Variants in HSPBAP1 observed in about 807,000 individuals in gnomAD.
HSPBAP1 encodes HSPB1 associated protein 1.
A neutral mutation model predicts 45.2 loss-of-function variants in HSPBAP1; 27 were observed. The observed-to-expected ratio is 0.60, with a 90% confidence interval of 0.44 to 0.82. HSPBAP1 has a LOEUF of 0.82. HSPBAP1 is among the 40% of genes least tolerant of loss of function. HSPBAP1 has a pLI of 0.00. For synonymous variants in HSPBAP1, 204 were observed against 202.7 expected (o/e 1.01, Z -0.06); for missense variants, 510 against 590.9 (o/e 0.86, Z 1.42).
intron 6 of HSPBAP1, among the ~76,000 whole-genome samples, chr3:122,746,959 A>T (rs1395444608): frequency 6.6e-6 from 1 of 151,748 alleles, no homozygotes; most frequent in African/African-American, 2.4e-5. Context: ...TCAGTGCTCA[A>T]TGGTGCCCAG....
intron 5 of HSPBAP1, 160 bp from the exon 6 acceptor site, chr3:122,752,834 C>T: frequency 7.2e-7 from 1 of 1,386,258 alleles, no homozygotes; most frequent in South Asian, 1.8e-5. Flanking sequence ...CCCCGCAAAC[C>T]TTTTTTCCTT....
chr3:122,752,455 G>A lies in HSPBAP1; in HGVS notation c.825+136C>T, dbSNP rs925743444. ...CAGAAGACAGAATGCATACGTTATA[G>A]TGCACTGCAACAAAAAAATACTGAA... On this transcript the variant is annotated intron_variant, in intron 6 of 7. Transcript: ENST00000306103. The A allele has an allele frequency of 1.4e-5, 8 of 581,068 alleles. No individual in the cohort carries two copies. The South Asian group carries it at 1.9e-4, about 14-fold the overall frequency. The allele number at this position is 581,068 out of a possible 1,614,324, so 36.0% of individuals were successfully genotyped here.
chr3:122,785,393 A>G (rs1935619385), intron 1 of HSPBAP1, among the ~76,000 whole-genome samples: 2 of 152,182 alleles, frequency 1.3e-5, no homozygotes, highest in South Asian at 4.1e-4. Context: ...TTTAGCAAGA[A>G]TTGCCCCCAT....
intron 1 of HSPBAP1, among the ~76,000 whole-genome samples, chr3:122,791,937 C>CA (rs1174381481): frequency 6.6e-6 from 1 of 152,090 alleles, no homozygotes; most frequent in African/African-American, 2.4e-5. Context: ...GAATAGAAAA[C>CA]AGAGACACAA....
At chr3:122,746,659 G>A (rs1367047709) in intron 6 of HSPBAP1, among the ~76,000 whole-genome samples, 1 of 137,864 alleles carries the variant, frequency 7.3e-6, no homozygotes, top group African/African-American at 2.5e-5. Context: ...CTCTCCCCAC[G>A]GTCTCCCTCT....
In HSPBAP1 at chr3:122,793,816, A is replaced by C; in HGVS notation, c.-136T>G. 1.4e-6 allele frequency: 1 copy of C among 709,314 alleles called. No individual in the cohort carries two copies. Among genetic ancestry groups the C allele is most frequent in the African/African-American group, 1.8e-5 (1 of 56,250 alleles). The allele number at this position is 709,314 out of a possible 1,614,324, so 43.9% of individuals were successfully genotyped here. ...GGCGACTCCCGCCCGGCTCCTACGG[A>C]AACGCCGGCTCTCACGTGGAGGTCA... On this transcript the variant is annotated 5_prime_UTR_variant, in exon 1 of 8. Coordinates refer to ENST00000306103, the MANE Select transcript of HSPBAP1 (RefSeq NM_024610.6).
rs935942454 is a variant in HSPBAP1, at chr3:122,744,118, A to G, written c.826-3005T>C. On this transcript the variant is annotated intron_variant, in intron 6 of 7. Transcript: ENST00000306103. ...TACATATTCTTTTATATGTATAAATATAACAAAAGATATAACAAAGGAAAA... is the reference window on the plus strand; with the variant it reads ...TACATATTCTTTTATATGTATAAATGTAACAAAAGATATAACAAAGGAAAA... 9.2e-5 allele frequency among the ~76,000 whole-genome samples: 14 copies of G among 152,330 alleles called. No homozygotes were observed. In the East Asian group the frequency reaches 1.5e-3, roughly 17 times the overall value.
At chr3:122,768,540 T>G (rs1934868980) in intron 3 of HSPBAP1, among the ~76,000 whole-genome samples, 161 bp downstream of exon 3, 1 of 152,180 alleles carries the variant, frequency 6.6e-6, no homozygotes, top group Non-Finnish European at 1.5e-5. Flanking sequence ...ATGGTACACT[T>G]CTCTTCAGCA....
intron 2 of HSPBAP1, among the ~76,000 whole-genome samples, chr3:122,777,329 C>T (rs1935219542): frequency 6.6e-6 from 1 of 152,104 alleles, no homozygotes; most frequent in African/African-American, 2.4e-5. Context: ...ACACATTCTA[C>T]TTGAGTAAAA....
At chr3:122,779,661 G>A (rs1422763952) in intron 1 of HSPBAP1, among the ~76,000 whole-genome samples, 1 of 150,074 alleles carries the variant, frequency 6.7e-6, no homozygotes, top group African/African-American at 2.4e-5. Context: ...GCGGCCTTCC[G>A]CAGTGTTTGT....
intron 6 of HSPBAP1, among the ~76,000 whole-genome samples, chr3:122,742,385 A>G (rs1329716824): frequency 1.3e-5 from 2 of 152,066 alleles, no homozygotes; most frequent in Non-Finnish European, 2.9e-5. Context: ...ACACCAGGAT[A>G]GTGCTAATAA....
intron 6 of HSPBAP1, among the ~76,000 whole-genome samples, chr3:122,742,880 C>A (rs1933716175): frequency 6.6e-6 from 1 of 152,178 alleles, no homozygotes; most frequent in African/African-American, 2.4e-5. Context: ...ATCTCTTGTT[C>A]TCTATATAAA....
At chr3:122,775,527 G>A (rs146108586) in intron 2 of HSPBAP1, among the ~76,000 whole-genome samples, 4,922 of 152,094 alleles carry the variant, frequency 0.032, 111 homozygotes, top group Middle Eastern at 0.078. Flanking sequence ...TGTTGGCCAG[G>A]CTGGTCTCAA....
chr3:122,786,911 T>G (rs541972014), intron 1 of HSPBAP1, among the ~76,000 whole-genome samples: 2 of 152,356 alleles, frequency 1.3e-5, no homozygotes, highest in South Asian at 4.1e-4. Context: ...AATTAATGAA[T>G]TTAAATGTTA....
At chr3:122,774,918 G>A (rs1434536426) in intron 2 of HSPBAP1, among the ~76,000 whole-genome samples, 5 of 152,124 alleles carry the variant, frequency 3.3e-5, no homozygotes, top group Admixed American at 3.3e-4. Context: ...TCTCCTTCTA[G>A]GTATCAATCC....
intron 1 of HSPBAP1, among the ~76,000 whole-genome samples, chr3:122,780,193 C>T (rs1263729529): frequency 3.9e-5 from 4 of 102,926 alleles, no homozygotes; most frequent in African/African-American, 1.4e-4. Flanking sequence ...GGGCTGACCC[C>T]CCCACCTCCC....
intron 4 of HSPBAP1, among the ~76,000 whole-genome samples, chr3:122,756,520 T>G (rs1576245376): frequency 6.6e-6 from 1 of 151,826 alleles, no homozygotes; most frequent in East Asian, 1.9e-4. Context: ...TAGCAATACC[T>G]CATCCCCATA....
intron 1 of HSPBAP1, among the ~76,000 whole-genome samples, chr3:122,789,236 TAGATG>T (rs985248573): frequency 5.3e-4 from 80 of 152,326 alleles, no homozygotes; most frequent in African/African-American, 1.9e-3. Flanking sequence ...CATACAACTC[TAGATG>T]AGATATTTCC....
chr3:122,749,645 T>C (rs34694537), intron 6 of HSPBAP1, among the ~76,000 whole-genome samples: 13,455 of 152,268 alleles, frequency 0.088, 690 homozygotes, highest in East Asian at 0.13. Flanking sequence ...AGTCTTGTTC[T>C]GTCACCAGGC....
Sources: gnomAD v4.1 joint callset for allele counts (sites outside exome capture counted in the v4.1 genomes callset) on GRCh38, gnomAD v4.1.1 for gene constraint, MANE v1.5 for transcripts, NCBI Gene and HGNC (gene_info 2026-07-23, HGNC 2026-07-21) for gene names.